The following HMCN1 variants were observed in gnomAD, a reference collection of about 807,000 sequenced individuals.
The protein encoded by HMCN1 is hemicentin-1.
In HMCN1, 321 loss-of-function variants were observed where a neutral mutation model predicts 625.9. The ratio of observed to expected loss-of-function variants is 0.51; its 90% CI spans 0.47 to 0.56. The LOEUF is 0.56. Ranked by LOEUF, HMCN1 falls within the 20% of genes least tolerant of loss-of-function variation. The pLI, the probability that HMCN1 is intolerant of heterozygous loss-of-function variation, is 0.00. For synonymous variants in HMCN1, 2,425 were observed against 2,417.6 expected (o/e 1.00, Z -0.09); for missense variants, 6,588 against 6,887.3 (o/e 0.96, Z 1.54).
chr1:186,122,859 T>C (rs1323912386), intron 80 of HMCN1, 92 bp from the exon 81 acceptor site: 2 of 1,341,548 alleles, frequency 1.5e-6, no homozygotes, highest in African/African-American at 1.5e-5. Context: ...TTGTTTCTTA[T>C]CAATGTTTGC....
chr1:186,031,981 G>T (rs765683567), intron 36 of HMCN1, among the ~76,000 whole-genome samples: 6 of 151,350 alleles, frequency 4.0e-5, no homozygotes, highest in African/African-American at 1.5e-4. Flanking sequence ...ACCCCACATG[G>T]ATACCAAGAT....
At chr1:185,905,001 T>C (rs1666018752) in intron 4 of HMCN1, among the ~76,000 whole-genome samples, 1 of 151,804 alleles carries the variant, frequency 6.6e-6, no homozygotes, top group Non-Finnish European at 1.5e-5. Flanking sequence ...TGTGAAATTT[T>C]CCTTTGCATT....
intron 26 of HMCN1, among the ~76,000 whole-genome samples, chr1:186,000,542 GGTGTGTGTGTGTGTGTATGTGTGT>G (rs1007756556): frequency 3.9e-5 from 5 of 127,152 alleles, no homozygotes. Context: ...CAGCGTGTAG[GGTGTGTGTGTGTGTGTATGTGTGT>G]GTGTGTGTGT....
intron 1 of HMCN1, among the ~76,000 whole-genome samples, chr1:185,761,757 T>C (rs1655520066): frequency 6.6e-6 from 1 of 152,168 alleles, no homozygotes; most frequent in Admixed American, 6.6e-5. Flanking sequence ...ACCATTTTGG[T>C]AGTATAGGAC....
intron 2 of HMCN1, among the ~76,000 whole-genome samples, chr1:185,862,753 G>A (rs925690662): frequency 2.6e-5 from 4 of 152,222 alleles, no homozygotes; most frequent in Admixed American, 6.5e-5. Context: ...CTGCTAACTC[G>A]ATAACATTTT....
At chr1:185,754,249 C>T (rs1449588317) in intron 1 of HMCN1, among the ~76,000 whole-genome samples, 1 of 151,930 alleles carries the variant, frequency 6.6e-6, no homozygotes, top group Admixed American at 6.6e-5. Context: ...ACAGTGGTCA[C>T]CAGAGGCTAG....
chr1:186,116,677 ATT>A (rs938988277), intron 75 of HMCN1, among the ~76,000 whole-genome samples: 97 of 152,278 alleles, frequency 6.4e-4, no homozygotes, highest in African/African-American at 2.2e-3. Flanking sequence ...CAGTGTTCTC[ATT>A]GTACTGTATT....
At chr1:185,794,429 G>A (rs568504275) in intron 1 of HMCN1, among the ~76,000 whole-genome samples, 2 of 150,798 alleles carry the variant, frequency 1.3e-5, no homozygotes, top group African/African-American at 4.9e-5. Context: ...GCAAGCTGAG[G>A]AGTAAGGAAG....
intron 1 of HMCN1, among the ~76,000 whole-genome samples, chr1:185,832,453 T>C (rs1486370601): frequency 2.6e-5 from 4 of 152,136 alleles, no homozygotes; most frequent in African/African-American, 9.7e-5. Flanking sequence ...GTTCTGAGCA[T>C]GAAGGTAAAG....
chr1:186,113,808 TTGAG>T (rs1347278709), intron 72 of HMCN1, among the ~76,000 whole-genome samples, 167 bp from the exon 73 acceptor site: 4 of 152,250 alleles, frequency 2.6e-5, no homozygotes, highest in African/African-American at 7.2e-5. Flanking sequence ...ACAAAGTATC[TTGAG>T]TAAGACTTTA....
intron 1 of HMCN1, among the ~76,000 whole-genome samples, chr1:185,806,967 C>T (rs1202040126): frequency 2.0e-5 from 3 of 151,900 alleles, no homozygotes; most frequent in African/African-American, 4.8e-5. Flanking sequence ...AAGTGTTTCT[C>T]GATGATTGAA....
intron 1 of HMCN1, among the ~76,000 whole-genome samples, chr1:185,751,345 CTTCTT>C (rs796970416): frequency 3.3e-5 from 5 of 152,054 alleles, no homozygotes; most frequent in African/African-American, 1.2e-4. Context: ...TGTTTTCTGA[CTTCTT>C]TTGTTGTTGA....
At chr1:185,746,949 C>T (rs186299614) in intron 1 of HMCN1, among the ~76,000 whole-genome samples, 31 of 152,130 alleles carry the variant, frequency 2.0e-4, no homozygotes, top group Non-Finnish European at 4.1e-4. Flanking sequence ...ATTGGATTAG[C>T]GGCCCACGAT....
rs145878673 is a variant in HMCN1, at chr1:186,179,711, A to T, written c.16294+945A>T. On this transcript the variant is annotated intron_variant, in intron 104 of 106. Transcript: ENST00000271588. ...GTTCTACACTTTGCTTACTCTCTTA[A>T]CTATGCTTTTTGCTAAACATTTTTT... 9.2e-5 allele frequency among the ~76,000 whole-genome samples: 14 copies of T among 152,118 alleles called. No individual in the cohort carries two copies. The East Asian group carries it at 2.1e-3, about 23-fold the overall frequency.
At chr1:186,132,488 C>T in intron 86 of HMCN1, 79 bp downstream of exon 86, 1 of 1,149,372 alleles carries the variant, frequency 8.7e-7, no homozygotes, top group Non-Finnish European at 1.3e-6. Flanking sequence ...TTCTTTAACT[C>T]TATAGCAAGT....
At chr1:186,134,639 TTGCAGAAAAAAACTAACATA>T (rs1200803109) in intron 86 of HMCN1, among the ~76,000 whole-genome samples, 1 of 152,158 alleles carries the variant, frequency 6.6e-6, no homozygotes, top group Non-Finnish European at 1.5e-5. Flanking sequence ...ACGGATACCT[TTGCAGAAAAAAACTAACATA>T]TTAATATCAC....
At chr1:185,994,432 T>G (rs538903071) in intron 23 of HMCN1, among the ~76,000 whole-genome samples, 1 of 152,316 alleles carries the variant, frequency 6.6e-6, no homozygotes, top group East Asian at 1.9e-4. Flanking sequence ...TTTTTGTCCC[T>G]TATATTATAG....
Position 186,074,768 on chromosome 1 carries a change from A to G in HMCN1, c.8167A>G (p.Ile2723Val). ...QPLKSDDHVNIAANGHTLQIK... is the reference protein window; with the variant it reads ...QPLKSDDHVNVAANGHTLQIK... ...CCTTAAATCCGATGATCATGTTAAT[A>G]TTGCTGCGAATGGACACACACTTCA... The change falls in exon 53 of 107, where the codon ATT (isoleucine) becomes GTT (valine). Residue 2723 changes from isoleucine (I) to valine (V), a missense_variant. Coordinates refer to ENST00000271588, the MANE Select transcript of HMCN1 (RefSeq NM_031935.3). The G allele has an allele frequency of 6.2e-7, 1 of 1,613,040 alleles. No individual in the cohort carries two copies. Among genetic ancestry groups the G allele is most frequent in the Non-Finnish European group, 8.5e-7 (1 of 1,179,322 alleles).
At chr1:185,905,486 C>T (rs537071994) in intron 4 of HMCN1, among the ~76,000 whole-genome samples, 44 of 151,912 alleles carry the variant, frequency 2.9e-4, no homozygotes, top group African/African-American at 1.0e-3. Flanking sequence ...CATACTTCCC[C>T]TTTCTTGCCA....
Sources: gnomAD v4.1 joint callset for allele counts (sites outside exome capture counted in the v4.1 genomes callset) on GRCh38, gnomAD v4.1.1 for gene constraint, MANE v1.5 for transcripts, NCBI Gene and HGNC (gene_info 2026-07-23, HGNC 2026-07-21) for gene names.